The following PHF2 variants were observed in gnomAD, a reference collection of about 807,000 sequenced individuals.
The protein encoded by PHF2 is PHD finger protein 2.
PHF2 carries 27 observed loss-of-function variants against 120.5 expected under a neutral mutation model. That is an observed-to-expected ratio of 0.22 (90% CI 0.17 to 0.31). The LOEUF (loss-of-function observed/expected upper bound fraction) is 0.31. Ranked by LOEUF, PHF2 falls within the 10% of genes least tolerant of loss-of-function variation. The pLI is 1.00. For synonymous variants in PHF2, 568 were observed against 592.5 expected, an observed-to-expected ratio of 0.96 and a Z score of 0.60; for missense variants, 1,024 against 1,434.8, an observed-to-expected ratio of 0.71 and a Z score of 4.63.
intron 5 of PHF2, 47 bp from the exon 6 acceptor site, chr9:93,653,132 A>G: frequency 6.4e-7 from 1 of 1,574,526 alleles, no homozygotes; most frequent in Non-Finnish European, 8.7e-7. Flanking sequence ...GGGGAAATAA[A>G]AAAGGGAGTC....
At chr9:93,665,634 C>T (rs1432398001) in intron 14 of PHF2, 52 bp from the exon 15 acceptor site, 18 of 1,588,440 alleles carry the variant, frequency 1.1e-5, no homozygotes, top group Admixed American at 1.7e-5. Flanking sequence ...CCTACCTGTC[C>T]GCTGGCTGTG....
At chr9:93,592,738 G>T (rs958682133) in intron 1 of PHF2, among the ~76,000 whole-genome samples, 1 of 152,160 alleles carries the variant, frequency 6.6e-6, no homozygotes, top group South Asian at 2.1e-4. Context: ...TTGTGTCCCT[G>T]TTTTATAGAT....
chr9:93,624,824 T>C (rs1185774873), intron 1 of PHF2, among the ~76,000 whole-genome samples: 1 of 151,428 alleles, frequency 6.6e-6, no homozygotes, highest in Admixed American at 6.6e-5. Context: ...GTGATGATGA[T>C]GGTGATGATG....
At chr9:93,618,977 T>C (rs974586850) in intron 1 of PHF2, among the ~76,000 whole-genome samples, 19 of 8,214 alleles carry the variant, frequency 2.3e-3, no homozygotes, top group African/African-American at 9.6e-3. Flanking sequence ...CTAGTGCTTG[T>C]TCACTTCCCT....
At chr9:93,653,493 C>T in intron 6 of PHF2, 128 bp downstream of exon 6, 1 of 935,210 alleles carries the variant, frequency 1.1e-6, no homozygotes, top group Non-Finnish European at 1.6e-6. Flanking sequence ...GACTGTCCAT[C>T]CCTGGGACAG....
chr9:93,627,056 G>A (rs913149137), intron 1 of PHF2, among the ~76,000 whole-genome samples: 4 of 152,198 alleles, frequency 2.6e-5, no homozygotes, highest in African/African-American at 9.7e-5. Flanking sequence ...TTGGGATTTT[G>A]ATAGGGATTG....
At chr9:93,668,133 A>G (rs72747446) in intron 17 of PHF2, among the ~76,000 whole-genome samples, 17,182 of 152,280 alleles carry the variant, frequency 0.11, 1,240 homozygotes, top group Non-Finnish European at 0.17. Flanking sequence ...ACTATTTTAC[A>G]TGCAATATTA....
rs566927817 is a variant in PHF2 at position 93,646,566 on chromosome 9, C to T, written c.460+777C>T. Among the ~76,000 whole-genome samples, 4 of 152,338 alleles carry T rather than the reference C, an allele frequency of 2.6e-5. No individual in the cohort carries two copies. The South Asian group carries it at 6.2e-4, about 24-fold the overall frequency. ...ACTGGCCTCTCAGTGCTGGGGCTTC[C>T]GAGACGACTGGCCCCACCACTCTGA... On this transcript the variant is annotated intron_variant, in intron 4 of 21. Coordinates refer to ENST00000359246, the MANE Select transcript of PHF2 (RefSeq NM_005392.4).
At position 93,606,181 on chromosome 9, in the gene PHF2, G is replaced by A. The variant is rs1259760190; in HGVS notation, c.99-23789G>A. ...GATGGGGTTTTGCCACATTGCCCAGGCTGGTCTTGAACTCCTGAGCTCAAG... is the reference window on the plus strand; with the variant it reads ...GATGGGGTTTTGCCACATTGCCCAGACTGGTCTTGAACTCCTGAGCTCAAG... On this transcript the variant is annotated intron_variant, in intron 1 of 21. Transcript: ENST00000359246. Among the ~76,000 whole-genome samples, 3 of 152,118 alleles carry A rather than the reference G, an allele frequency of 2.0e-5. No individual in the cohort carries two copies. In the East Asian group the frequency reaches 5.8e-4, roughly 29 times the overall value.
intron 9 of PHF2, among the ~76,000 whole-genome samples, chr9:93,657,624 T>A (rs1023586950): frequency 6.6e-6 from 1 of 152,196 alleles, no homozygotes; most frequent in African/African-American, 2.4e-5. Flanking sequence ...GGAGCTGCCA[T>A]GGTCCTGGTG....
intron 3 of PHF2, among the ~76,000 whole-genome samples, chr9:93,637,755 A>G (rs1310927734): frequency 1.3e-5 from 2 of 152,202 alleles, no homozygotes; most frequent in Non-Finnish European, 2.9e-5. Flanking sequence ...TGCCATAAAC[A>G]TTTTTATACA....
chr9:93,607,430 G>A (rs1564378909), intron 1 of PHF2, among the ~76,000 whole-genome samples: 1 of 142,022 alleles, frequency 7.0e-6, no homozygotes, highest in Non-Finnish European at 1.5e-5. Context: ...GCACCAACAT[G>A]CCTGGCTAAT....
In PHF2 at chr9:93,597,263, C is replaced by CTGGCCATG. The variant is rs529431170; in HGVS notation, c.98+20393_98+20400dup. Among the ~76,000 whole-genome samples the CTGGCCATG allele has an allele frequency of 5.6e-4, 86 of 152,308 alleles. 1 individual carries two copies. In the South Asian group the frequency reaches 0.017, roughly 30 times the overall value. On this transcript the variant is annotated intron_variant, in intron 1 of 21. Transcript: ENST00000359246. ...TTTTAAAAAATCTTAAAAAGAGTGCCTGGCCATGGAATCTGGCTAGGCTGC... is the reference window on the plus strand; with the variant it reads ...TTTTAAAAAATCTTAAAAAGAGTGCCTGGCCATGTGGCCATGGAATCTGGCTAGGCTGC...
intron 4 of PHF2, among the ~76,000 whole-genome samples, chr9:93,647,283 G>T (rs1490514489): frequency 6.6e-6 from 1 of 152,168 alleles, no homozygotes; most frequent in Non-Finnish European, 1.5e-5. Flanking sequence ...CCCTTCCACA[G>T]CTCTGAGAGC....
At chr9:93,639,962 G>A (rs1826150274) in intron 3 of PHF2, among the ~76,000 whole-genome samples, 2 of 152,176 alleles carry the variant, frequency 1.3e-5, no homozygotes, top group South Asian at 2.1e-4. Flanking sequence ...CTGAGTTTTT[G>A]GAGATTTTCT....
At chr9:93,663,790 A>T (rs975096646) in intron 14 of PHF2, among the ~76,000 whole-genome samples, 155 bp downstream of exon 14, 3 of 151,776 alleles carry the variant, frequency 2.0e-5, no homozygotes, top group Non-Finnish European at 2.9e-5. Flanking sequence ...ACACTGCATC[A>T]CACACAACCA....
rs780145036 is a variant in PHF2 at position 93,649,183 on chromosome 9, C to A, written c.573C>A (p.Asn191Lys). ...YYSTNRKRVL[N>K]VTNLEFSDTR... ...GCACCAACCGCAAGCGGGTCCTCAA[C>A]GTCACCAACCTCGAGTTCTCTGACA... Residue 191 changes from asparagine to lysine, a missense_variant, in exon 5 of 22, where the codon AAC (asparagine) becomes AAA (lysine). Asn to Lys is a moderately conservative substitution (Grantham distance 94). Coordinates refer to ENST00000359246, the MANE Select transcript of PHF2 (RefSeq NM_005392.4). The A allele has an allele frequency of 2.7e-5, 41 of 1,545,080 alleles. No individual in the cohort carries two copies. In the South Asian group the frequency reaches 4.6e-4, roughly 18 times the overall value.
intron 1 of PHF2, among the ~76,000 whole-genome samples, chr9:93,604,792 T>C (rs1179973569): frequency 1.3e-5 from 2 of 152,162 alleles, no homozygotes; most frequent in Admixed American, 1.3e-4. Context: ...TGCATGCCCA[T>C]TGTTATTTTA....
chr9:93,665,647 G>T, intron 14 of PHF2, 39 bp from the exon 15 acceptor site: 1 of 1,604,390 alleles, frequency 6.2e-7, no homozygotes, highest in Middle Eastern at 1.8e-4. Flanking sequence ...TGGCTGTGGG[G>T]CTATGTGGAT....
Sources: gnomAD v4.1 joint callset for allele counts (sites outside exome capture counted in the v4.1 genomes callset) on GRCh38, gnomAD v4.1.1 for gene constraint, MANE v1.5 for transcripts, NCBI Gene and HGNC (gene_info 2026-07-23, HGNC 2026-07-21) for gene names.